The following LRP1B variants were observed in gnomAD, a reference collection of about 807,000 sequenced individuals.
LRP1B encodes the protein LDL receptor related protein 1B.
In LRP1B, 217 loss-of-function variants were observed where a neutral mutation model predicts 556.6. The ratio of observed to expected loss-of-function variants is 0.39; its 90% CI spans 0.35 to 0.44. LRP1B has a LOEUF of 0.44. Among genes scored for constraint, LRP1B ranks in the 20% least tolerant of loss-of-function variants. LRP1B has a pLI of 1.00. For synonymous variants in LRP1B, 2,047 were observed against 1,865.8 expected (o/e 1.10, Z -2.50); for missense variants, 5,053 against 5,620.8 (o/e 0.90, Z 3.23).
intron 1 of LRP1B, among the ~76,000 whole-genome samples, chr2:142,093,826 G>A (rs887343162): frequency 1.3e-5 from 2 of 152,068 alleles, no homozygotes; most frequent in Non-Finnish European, 2.9e-5. Context: ...GAATTTAAAA[G>A]TGGCTTTCAA....
At chr2:140,257,288 A>T (rs6755822) in intron 86 of LRP1B, among the ~76,000 whole-genome samples, 3 of 152,034 alleles carry the variant, frequency 2.0e-5, no homozygotes, top group Non-Finnish European at 2.9e-5. Context: ...CTAAGAAAAG[A>T]GGTCTAATAA....
At chr2:141,748,767 A>T (rs1344462812) in intron 2 of LRP1B, among the ~76,000 whole-genome samples, 1 of 152,216 alleles carries the variant, frequency 6.6e-6, no homozygotes, top group Non-Finnish European at 1.5e-5. Flanking sequence ...TCCAAAGCAG[A>T]AGGCTCTGGG....
chr2:140,609,966 C>T (rs1224372548), intron 41 of LRP1B, among the ~76,000 whole-genome samples: 1 of 152,070 alleles, frequency 6.6e-6, no homozygotes, highest in African/African-American at 2.4e-5. Flanking sequence ...CACCTTATCT[C>T]GGGTTAGTGT....
At chr2:140,998,629 G>T (rs1453362216) in intron 15 of LRP1B, among the ~76,000 whole-genome samples, 1 of 152,018 alleles carries the variant, frequency 6.6e-6, no homozygotes, top group Non-Finnish European at 1.5e-5. Context: ...TCTCATTCTT[G>T]ATTCCTTCCA....
At chr2:140,477,426 A>C (rs1408234251) in intron 59 of LRP1B, among the ~76,000 whole-genome samples, 1 of 152,160 alleles carries the variant, frequency 6.6e-6, no homozygotes, top group Non-Finnish European at 1.5e-5. Context: ...TAAAAATAAC[A>C]CATCCAAACT....
chr2:141,059,019 A>G lies in LRP1B; in HGVS notation c.1272T>C (p.Asp424=). Residue 424 remains aspartate, a synonymous_variant, in exon 9 of 91, where the codon GAT becomes GAC. Coordinates refer to ENST00000389484, the MANE Select transcript of LRP1B (RefSeq NM_018557.3). Reference sequence around the variant, plus strand: ...TATCAGAATTGGTTGCATACAAATAATCTTCAAACACAGTTATACCATAAA... The same window carrying G: ...TATCAGAATTGGTTGCATACAAATAGTCTTCAAACACAGTTATACCATAAA... The part of the protein sequence containing the change: ...RHLYGITVFE[D]YLYATNSDNY... 6.3e-7 allele frequency: 1 copy of G among 1,585,850 alleles called. No individual in the cohort carries two copies. The highest frequency in any genetic ancestry group is 8.6e-7 in the Non-Finnish European group (1 of 1,164,230).
intron 22 of LRP1B, among the ~76,000 whole-genome samples, chr2:140,906,641 A>T (rs1361293889): frequency 6.6e-6 from 1 of 152,100 alleles, no homozygotes; most frequent in Non-Finnish European, 1.5e-5. Flanking sequence ...AAAAGAATTT[A>T]AGCTTGTTGA....
chr2:140,831,991 T>C (rs1691733760), intron 31 of LRP1B, among the ~76,000 whole-genome samples: 1 of 152,194 alleles, frequency 6.6e-6, no homozygotes, highest in Non-Finnish European at 1.5e-5. Context: ...CCAGTTGGAA[T>C]GGTTATTATC....
chr2:141,420,934 A>C (rs1348588471), intron 3 of LRP1B, among the ~76,000 whole-genome samples: 2 of 152,150 alleles, frequency 1.3e-5, no homozygotes, highest in African/African-American at 2.4e-5. Flanking sequence ...AAAGATAGTA[A>C]ATTGGAGTGT....
At chr2:141,813,853 A>G (rs1696438065) in intron 1 of LRP1B, among the ~76,000 whole-genome samples, 1 of 152,130 alleles carries the variant, frequency 6.6e-6, no homozygotes, top group African/African-American at 2.4e-5. Flanking sequence ...TAAGTGACAG[A>G]AAAGGTGTCA....
chr2:140,424,494 C>T (rs565289127), intron 66 of LRP1B, among the ~76,000 whole-genome samples: 84 of 152,230 alleles, frequency 5.5e-4, no homozygotes, highest in Non-Finnish European at 1.1e-3. Flanking sequence ...AGAAAATTCA[C>T]GAGCATTCAT....
chr2:140,590,417 C>T (rs1250674075), intron 43 of LRP1B, among the ~76,000 whole-genome samples: 1 of 151,396 alleles, frequency 6.6e-6, no homozygotes, highest in African/African-American at 2.4e-5. Flanking sequence ...AACTGTGCCT[C>T]CTTGCAAAAT....
At chr2:140,372,923 A>G in intron 69 of LRP1B, 85 bp downstream of exon 69, 1 of 1,412,960 alleles carries the variant, frequency 7.1e-7, no homozygotes. Flanking sequence ...CATATTTGCC[A>G]CTGTTTTCTG....
intron 20 of LRP1B, among the ~76,000 whole-genome samples, chr2:140,949,750 C>T (rs1243464979): frequency 2.6e-5 from 4 of 151,500 alleles, no homozygotes; most frequent in African/African-American, 9.7e-5. Flanking sequence ...ACCATCCTGG[C>T]TAACATGGTG....
intron 1 of LRP1B, among the ~76,000 whole-genome samples, chr2:141,881,563 A>T (rs1429849964): frequency 6.6e-6 from 1 of 152,102 alleles, no homozygotes; most frequent in Non-Finnish European, 1.5e-5. Context: ...TTGAGCTATT[A>T]ATTTTTAAAA....
intron 43 of LRP1B, among the ~76,000 whole-genome samples, chr2:140,579,781 G>A (rs991473198): frequency 6.6e-6 from 1 of 152,170 alleles, no homozygotes; most frequent in Non-Finnish European, 1.5e-5. Flanking sequence ...GGCGGGGGTT[G>A]CAGTGAACCG....
chr2:141,955,519 C>G (rs1435616), intron 1 of LRP1B, among the ~76,000 whole-genome samples: 69,408 of 151,844 alleles, frequency 0.46, 16,024 homozygotes, highest in Admixed American at 0.53. Flanking sequence ...GGATTATATT[C>G]AATTTTTCTC....
At chr2:140,519,447 T>C (rs760434819) in intron 49 of LRP1B, among the ~76,000 whole-genome samples, 2 of 152,122 alleles carry the variant, frequency 1.3e-5, no homozygotes, top group African/African-American at 4.8e-5. Context: ...TTACACCTTA[T>C]ACAAAAATTA....
At chr2:140,682,597 A>T (rs1685896423) in intron 41 of LRP1B, among the ~76,000 whole-genome samples, 1 of 152,118 alleles carries the variant, frequency 6.6e-6, no homozygotes. Flanking sequence ...AAAGAAAAAT[A>T]ACAATATTGT....
Sources: gnomAD v4.1 joint callset for allele counts (sites outside exome capture counted in the v4.1 genomes callset) on GRCh38, gnomAD v4.1.1 for gene constraint, MANE v1.5 for transcripts, NCBI Gene and HGNC (gene_info 2026-07-23, HGNC 2026-07-21) for gene names.